The following UNC80 variants were observed in gnomAD, a reference collection of about 807,000 sequenced individuals.
UNC80 encodes the protein unc-80 subunit of NALCN channel complex.
In UNC80, 164 loss-of-function variants were observed where a neutral mutation model predicts 384.6. The ratio of observed to expected loss-of-function variants is 0.43; its 90% CI spans 0.38 to 0.49. The LOEUF is 0.49. UNC80 is among the 20% of genes least tolerant of loss of function. The pLI, the probability that UNC80 is intolerant of heterozygous loss-of-function variation, is 0.00. For missense variants in UNC80, 3,330 were observed against 4,143.0 expected, an observed-to-expected ratio of 0.80 and a Z score of 5.39; for synonymous variants, 1,486 against 1,527.8, an observed-to-expected ratio of 0.97 and a Z score of 0.64.
chr2:209,900,939 G>T (rs916329343), intron 28 of UNC80, among the ~76,000 whole-genome samples: 1 of 152,198 alleles, frequency 6.6e-6, no homozygotes, highest in African/African-American at 2.4e-5. Flanking sequence ...TTCTGTGAGG[G>T]CTGAGAAAGG....
chr2:209,852,093 G>A (rs962603581), intron 22 of UNC80, among the ~76,000 whole-genome samples: 4 of 152,076 alleles, frequency 2.6e-5, no homozygotes, highest in Non-Finnish European at 4.4e-5. Flanking sequence ...TAGCATATGT[G>A]TCCACTGACT....
At chr2:209,986,293 C>T (rs2093286001) in intron 61 of UNC80, among the ~76,000 whole-genome samples, 1 of 152,170 alleles carries the variant, frequency 6.6e-6, no homozygotes, top group Non-Finnish European at 1.5e-5. Flanking sequence ...TTGAATCAGA[C>T]TTCCACTTAG....
chr2:209,974,976 T>C (rs1349536964), intron 56 of UNC80, among the ~76,000 whole-genome samples: 2 of 152,110 alleles, frequency 1.3e-5, no homozygotes, highest in East Asian at 3.9e-4. Flanking sequence ...AGATAAGCAA[T>C]TGCTGTGAAA....
chr2:209,845,862 C>A (rs577665992), intron 21 of UNC80, among the ~76,000 whole-genome samples: 1 of 152,074 alleles, frequency 6.6e-6, no homozygotes, highest in Non-Finnish European at 1.5e-5. Context: ...AACTACTGCC[C>A]TTTATTGCGC....
intron 29 of UNC80, 73 bp downstream of exon 29, chr2:209,905,038 A>G (rs2088010981): frequency 6.8e-7 from 1 of 1,466,460 alleles, no homozygotes; most frequent in African/African-American, 1.4e-5. Context: ...CTCTGGAAAT[A>G]AGAATTTTCA....
At chr2:209,785,923 C>G (rs2077401412) in intron 4 of UNC80, 143 bp from the exon 5 acceptor site, 2 of 911,924 alleles carry the variant, frequency 2.2e-6, no homozygotes, top group Non-Finnish European at 3.2e-6. Context: ...TAGAAACATT[C>G]ATCTGACTAA....
At chr2:209,830,015 C>A (rs1574632936) in intron 15 of UNC80, among the ~76,000 whole-genome samples, 5 of 152,216 alleles carry the variant, frequency 3.3e-5, no homozygotes, top group Admixed American at 2.6e-4. Context: ...TTATAGTAAA[C>A]CAAAGACTGG....
intron 29 of UNC80, among the ~76,000 whole-genome samples, chr2:209,911,215 T>C (rs952080900): frequency 1.3e-5 from 2 of 152,166 alleles, no homozygotes; most frequent in African/African-American, 4.8e-5. Flanking sequence ...GTATCTTGAC[T>C]CTTTTGCAAG....
At chr2:209,806,319 A>G (rs1358101427) in intron 7 of UNC80, among the ~76,000 whole-genome samples, 7 of 152,234 alleles carry the variant, frequency 4.6e-5, no homozygotes, top group Non-Finnish European at 1.0e-4. Context: ...GTAAAAACAA[A>G]AGCCAGCTAT....
chr2:209,776,465 C>T (rs1194891134), intron 3 of UNC80, among the ~76,000 whole-genome samples: 5 of 152,144 alleles, frequency 3.3e-5, no homozygotes, highest in African/African-American at 1.2e-4. Context: ...CCTGTAATCC[C>T]AGCTACTCGA....
At chr2:209,817,406 C>T (rs979345779) in intron 10 of UNC80, among the ~76,000 whole-genome samples, 7 of 150,272 alleles carry the variant, frequency 4.7e-5, no homozygotes, top group Non-Finnish European at 1.5e-5. Context: ...GTGCTCTGTG[C>T]ATTAATTTCC....
intron 23 of UNC80, among the ~76,000 whole-genome samples, chr2:209,873,455 TGCCTGAAA>T (rs2124883807): frequency 6.6e-6 from 1 of 152,342 alleles, no homozygotes; most frequent in East Asian, 1.9e-4. Context: ...TCCTTTAAGT[TGCCTGAAA>T]GCCTTTGGAA....
Position 209,881,043 on chromosome 2 carries a change from C to T in UNC80, c.4059C>T (p.Phe1353=). The T allele has an allele frequency of 1.3e-6, 2 of 1,551,806 alleles. No individual in the cohort carries two copies. The highest frequency in any genetic ancestry group is 1.7e-6 in the Non-Finnish European group (2 of 1,147,034). The change falls in exon 25 of 65, where the codon TTC becomes TTT. Residue 1353 remains phenylalanine (F), a synonymous_variant. Coordinates refer to ENST00000673920, the MANE Select transcript of UNC80 (RefSeq NM_001371986.1). ...AGCTTCTTCTGGAGATTACCACCTT[C>T]CTGCGAGAGACCTTTTCTTGCCTGC... ...ACQLLLEITT[F]LRETFSCLPR...
At position 209,976,120 on chromosome 2, in the gene UNC80, G is replaced by A. The variant is rs192024023; in HGVS notation, c.8589G>A (p.Ala2863=). The part of the protein sequence containing the change: ...AESTSQAAYL[A]LKVILVCFER... ...TTTTTCTCTTTTCCCGGTGTGAAGCGCTGAAGGTGATTCTCGTCTGCTTTG... is the reference window on the plus strand; with the variant it reads ...TTTTTCTCTTTTCCCGGTGTGAAGCACTGAAGGTGATTCTCGTCTGCTTTG... Residue 2863 remains alanine, a splice_region_variant and synonymous_variant, in exon 57 of 65, where the codon GCG becomes GCA. Coordinates refer to ENST00000673920, the MANE Select transcript of UNC80 (RefSeq NM_001371986.1). This position sits in a 1 kb window ranked among gnomAD's most constrained non-coding sequence, Gnocchi z 4.3. 7.4e-4 allele frequency: 1,148 copies of A among 1,550,594 alleles called. 4 individuals are homozygous for A. In the African/African-American group the frequency reaches 0.012, roughly 16 times the overall value.
chr2:209,798,966 G>A (rs1306971088), intron 7 of UNC80, among the ~76,000 whole-genome samples: 1 of 149,956 alleles, frequency 6.7e-6, no homozygotes, highest in South Asian at 2.1e-4. Context: ...TTACAGGCGC[G>A]ATCCACCGTG....
At position 209,881,625 on chromosome 2, in the gene UNC80, G is replaced by GCACACA. The variant is rs113873662; in HGVS notation, c.4110+552_4110+557dup. The stretch of plus-strand genomic sequence containing the variant: ...GAAATAAGACCATGCATGTGTGCAT[G>GCACACA]CACACACACACACACACACACACAC... On this transcript the variant is annotated intron_variant, in intron 25 of 64. Transcript: ENST00000673920. Among the ~76,000 whole-genome samples the GCACACA allele has an allele frequency of 1.8e-4, 27 of 147,242 alleles. No individual in the cohort carries two copies. The East Asian group carries it at 3.0e-3, about 16-fold the overall frequency.
chr2:209,928,900 CT>C (rs2124962841), intron 36 of UNC80, among the ~76,000 whole-genome samples: 1 of 152,252 alleles, frequency 6.6e-6, no homozygotes, highest in South Asian at 2.1e-4. Flanking sequence ...ACTTATTTAG[CT>C]TCTACAAATG....
chr2:209,888,007 A>G (rs920724256), intron 25 of UNC80, 88 bp from the exon 26 acceptor site: 11 of 1,314,882 alleles, frequency 8.4e-6, no homozygotes, highest in African/African-American at 1.5e-5. Context: ...GCAGTTGTGT[A>G]TAATTCAAAA....
chr2:209,913,922 C>T lies in UNC80; in HGVS notation c.5011C>T (p.His1671Tyr). Residue 1671 changes from histidine (H) to tyrosine (Y), a missense_variant, in exon 31 of 65, where the codon CAC becomes TAC. Coordinates refer to ENST00000673920, the MANE Select transcript of UNC80 (RefSeq NM_001371986.1). ...AWELLLSMDE[H>Y]MAGAAAAMFL... ...GGAGCTCCTGCTCAGCATGGATGAG[C>T]ACATGGCAGGGGCAGCAGGTAAAGA... 1.3e-6 allele frequency: 2 copies of T among 1,548,506 alleles called. No homozygotes were observed. Among genetic ancestry groups the T allele is most frequent in the Non-Finnish European group, 8.7e-7 (1 of 1,144,718 alleles).
Sources: gnomAD v4.1 joint callset for allele counts (sites outside exome capture counted in the v4.1 genomes callset) on GRCh38, gnomAD v4.1.1 for gene constraint, Gnocchi (gnomAD v3.1) non-coding constraint, MANE v1.5 for transcripts, NCBI Gene and HGNC (gene_info 2026-07-23, HGNC 2026-07-21) for gene names.